MTMR3: variants seen among roughly 807,000 people sequenced by gnomAD.
MTMR3 encodes the protein phosphatidylinositol-3,5-bisphosphate 3-phosphatase MTMR3.
MTMR3 carries 32 observed loss-of-function variants against 132.4 expected under a neutral mutation model. The observed-to-expected ratio is 0.24, with a 90% CI of 0.18 to 0.32. The LOEUF is 0.32. MTMR3 is among the 10% of genes least tolerant of loss of function. The pLI, the probability that MTMR3 is intolerant of heterozygous loss-of-function variation, is 1.00. For synonymous variants in MTMR3, 556 were observed against 550.3 expected, an observed-to-expected ratio of 1.01 and a Z score of -0.14; for missense variants, 1,216 against 1,489.6, an observed-to-expected ratio of 0.82 and a Z score of 3.02.
chr22:29,991,373 A>C (rs2066957769), intron 6 of MTMR3, 131 bp from the exon 7 acceptor site: 1 of 789,738 alleles, frequency 1.3e-6, no homozygotes, highest in South Asian at 2.1e-5. Context: ...CGAATGACTG[A>C]CTGCCTCAGA....
chr22:29,990,152 GA>G, intron 6 of MTMR3: 1 of 152,332 alleles, frequency 6.6e-6, no homozygotes, highest in East Asian at 1.9e-4. Flanking sequence ...AGAATTGCTT[GA>G]GCCTGGGAGG....
chr22:29,886,640 T>C (rs1371355241), intron 1 of MTMR3, among the ~76,000 whole-genome samples: 1 of 152,224 alleles, frequency 6.6e-6, no homozygotes, highest in Non-Finnish European at 1.5e-5. Flanking sequence ...TCATCTCATA[T>C]AGGTAGATGA....
chr22:29,933,955 A>G (rs574227073), intron 1 of MTMR3, among the ~76,000 whole-genome samples: 2 of 152,184 alleles, frequency 1.3e-5, no homozygotes, highest in Admixed American at 6.5e-5. Flanking sequence ...ATATTCGTCT[A>G]CTTATTTCCC....
At position 30,020,768 on chromosome 22, in the gene MTMR3, G is replaced by C. The variant is rs767797493; in HGVS notation, c.3109G>C (p.Gly1037Arg). 1 of 1,614,190 alleles carries C rather than the reference G, an allele frequency of 6.2e-7. No homozygotes were observed. The highest frequency in any genetic ancestry group is 8.5e-7 in the Non-Finnish European group (1 of 1,180,020). Reference protein sequence around the residue: ...IQQRLRQIESGHQQEVETLKK... With the variant: ...IQQRLRQIESRHQQEVETLKK... ...ACAGCGCCTGCGTCAGATTGAGTCA[G>C]GCCACCAGCAGGAAGTAGAAACTTT... The change falls in exon 17 of 20, where the codon GGC becomes CGC. Residue 1037 changes from glycine to arginine, a missense_variant. This residue lies in a region of MTMR3 where 852 missense variants were observed against 852.0 expected (regional missense o/e 1.00). Transcript: ENST00000401950.
chr22:30,011,060 CTT>C (rs903612378), intron 12 of MTMR3: 1 of 152,226 alleles, frequency 6.6e-6, no homozygotes, highest in Non-Finnish European at 1.5e-5. Context: ...TCTGTTGTCT[CTT>C]TGCCTGGAAA....
chr22:29,954,470 T>A (rs1173269510), intron 1 of MTMR3, among the ~76,000 whole-genome samples: 3 of 152,104 alleles, frequency 2.0e-5, no homozygotes, highest in African/African-American at 7.2e-5. Context: ...AATGACACAC[T>A]GTTTCTAACC....
At chr22:29,998,638 G>C (rs1420320123) in intron 7 of MTMR3, 123 bp from the exon 8 acceptor site, 2 of 486,606 alleles carry the variant, frequency 4.1e-6, no homozygotes, top group African/African-American at 2.0e-5. Context: ...GTGGAATCCT[G>C]TCTCAAAAAA....
chr22:30,010,015 C>T (rs1236666468), intron 12 of MTMR3: 5 of 152,116 alleles, frequency 3.3e-5, no homozygotes, highest in East Asian at 3.9e-4. Flanking sequence ...TTAAATTCAC[C>T]GTAGTTGTCA....
At chr22:30,024,875 A>C (rs1262103569) in intron 19 of MTMR3, 1 of 152,518 alleles carries the variant, frequency 6.6e-6, no homozygotes, top group African/African-American at 2.4e-5. Context: ...CTTTCAGGGG[A>C]GGAGGAGAGG....
In MTMR3 at chr22:29,949,012, C is replaced by G. The variant is rs572800589; in HGVS notation, c.-137-8024C>G. The stretch of plus-strand genomic sequence containing the variant: ...ACTCAGGAGGCTGGAGTGAGAGGAT[C>G]GCTTGAGCCTGAAAGGTTGATGCTG... On this transcript the variant is annotated intron_variant, in intron 1 of 19. Transcript: ENST00000401950. Among the ~76,000 whole-genome samples the G allele has an allele frequency of 5.9e-5, 9 of 151,640 alleles. No homozygotes were observed. The South Asian group carries it at 1.7e-3, about 28-fold the overall frequency.
intron 16 of MTMR3, chr22:30,019,257 G>T: frequency 1.8e-6 from 1 of 540,818 alleles, no homozygotes; most frequent in Non-Finnish European, 3.3e-6. Context: ...GTATGTATGG[G>T]GCATGGGGTT....
In MTMR3 at chr22:29,974,077, A is replaced by G. The variant is rs7290936; in HGVS notation, c.3+3015A>G. ...GACTTTATGGAGGTGGATGGAGACTACGAAGTGCCAGATGCCACAATGCCT... is the reference window on the plus strand; with the variant it reads ...GACTTTATGGAGGTGGATGGAGACTGCGAAGTGCCAGATGCCACAATGCCT... On this transcript the variant is annotated intron_variant, in intron 3 of 19. Transcript: ENST00000401950. Among the ~76,000 whole-genome samples the G allele has an allele frequency of 4.5e-3, 679 of 152,278 alleles. 6 individuals carry two copies. Among genetic ancestry groups the G allele is most frequent in the African/African-American group, 0.015 (641 of 41,554 alleles).
intron 1 of MTMR3, among the ~76,000 whole-genome samples, chr22:29,891,384 A>C (rs115367638): frequency 0.011 from 1,593 of 147,496 alleles, 33 homozygotes; most frequent in African/African-American, 0.038. Context: ...TGTATACATA[A>C]TATATAATAT....
At chr22:30,023,718 T>C in intron 19 of MTMR3, 1 of 543,958 alleles carries the variant, frequency 1.8e-6, no homozygotes, top group Admixed American at 3.2e-5. Context: ...CCAGGCCGTC[T>C]TGCTTGTGAC....
At chr22:30,019,303 A>AC in intron 16 of MTMR3, 177 bp from the exon 17 acceptor site, 1 of 615,062 alleles carries the variant, frequency 1.6e-6, no homozygotes, top group Non-Finnish European at 2.8e-6. Context: ...CACTAGGAGG[A>AC]CTTGTTCCGG....
At chr22:29,913,013 C>A (rs1030630875) in intron 1 of MTMR3, among the ~76,000 whole-genome samples, 8 of 152,070 alleles carry the variant, frequency 5.3e-5, no homozygotes, top group Non-Finnish European at 1.2e-4. Flanking sequence ...GAAGCCGAGG[C>A]GAGAGAATCA....
At chr22:29,956,744 C>G (rs1284249794) in intron 1 of MTMR3, among the ~76,000 whole-genome samples, 1 of 152,122 alleles carries the variant, frequency 6.6e-6, no homozygotes, top group African/African-American at 2.4e-5. Context: ...AGAAATGATG[C>G]TTGCTTGACT....
rs115628266 is a variant in MTMR3 at position 29,929,807 on chromosome 22, C to T, written c.-137-27229C>T. Among the ~76,000 whole-genome samples, 709 of 152,274 alleles carry T rather than the reference C, an allele frequency of 4.7e-3. 6 individuals are homozygous for T. Among genetic ancestry groups the T allele is most frequent in the African/African-American group, 0.016 (645 of 41,550 alleles). ...AATTACAGGCGTGAGCCACCGCGCC[C>T]GGCCTCATAGAAGGTTTTTAAAATG... On this transcript the variant is annotated intron_variant, in intron 1 of 19. Transcript: ENST00000401950.
At chr22:30,000,049 G>C (rs1362019536) in intron 8 of MTMR3, 3 of 152,102 alleles carry the variant, frequency 2.0e-5, no homozygotes, top group Non-Finnish European at 4.4e-5. Flanking sequence ...CCATTACCCA[G>C]TTCCTTAAAA....
Sources: gnomAD v4.1 joint callset for allele counts (sites outside exome capture counted in the v4.1 genomes callset) on GRCh38, gnomAD v4.1.1 for gene constraint, gnomAD v4.1.1 regional missense constraint, MANE v1.5 for transcripts, NCBI Gene and HGNC (gene_info 2026-07-23, HGNC 2026-07-21) for gene names.